The following NOX5 variants were observed in gnomAD, a reference collection of about 807,000 sequenced individuals.
NOX5 encodes the protein NADPH oxidase, EF-hand calcium binding domain 5.
A neutral mutation model predicts 85.7 loss-of-function variants in NOX5; 76 were observed. The ratio of observed to expected loss-of-function variants is 0.89; its 90% CI spans 0.74 to 1.07. NOX5 has a LOEUF of 1.07. NOX5 is among the 50% of genes least tolerant of loss of function. The probability of loss-of-function intolerance (pLI) is 0.00; values close to 1 mark genes in which losing one functional copy is unlikely to be tolerated. For synonymous variants in NOX5, 405 were observed against 401.4 expected, an observed-to-expected ratio of 1.01 and a Z score of -0.11; for missense variants, 973 against 999.5, an observed-to-expected ratio of 0.97 and a Z score of 0.36.
At chr15:69,036,947 G>A (rs2050524096) in intron 7 of NOX5, 81 bp from the exon 8 acceptor site, 1 of 1,137,964 alleles carries the variant, frequency 8.8e-7, no homozygotes, top group South Asian at 1.4e-5. Flanking sequence ...CCCTGGCTTT[G>A]AGGATAACCC....
intron 1 of NOX5, among the ~76,000 whole-genome samples, chr15:69,015,696 G>A (rs2050222931): frequency 6.6e-6 from 1 of 152,038 alleles, no homozygotes; most frequent in South Asian, 2.1e-4. Context: ...TTGCAGTTTG[G>A]GAACCACTAG....
Position 69,060,597 on chromosome 15 carries a change from G to A in NOX5, c.*3901G>A, listed in dbSNP as rs2050862535. ...GATACAATGAAGGAAAGGATTTTGT[G>A]TTTTTGTTTTTGTTTTACTTTTTGC... On this transcript the variant is annotated 3_prime_UTR_variant, in exon 16 of 16. Coordinates refer to ENST00000388866, the MANE Select transcript of NOX5 (RefSeq NM_024505.4). The A allele has an allele frequency of 6.6e-6, 1 of 152,056 alleles. No homozygotes were observed. Among genetic ancestry groups the A allele is most frequent in the Non-Finnish European group, 1.5e-5 (1 of 67,982 alleles). 9.4% of individuals were successfully genotyped at this position (152,056 alleles called of 1,614,324 possible).
At position 69,031,780 on chromosome 15, in the gene NOX5, C is replaced by T. The variant is rs774138459; in HGVS notation, c.588C>T (p.Arg196=). 9.3e-6 allele frequency: 15 copies of T among 1,605,778 alleles called. No homozygotes were observed. In the East Asian group the frequency reaches 3.4e-4, roughly 36 times the overall value. The change falls in exon 4 of 16, where the codon CGC becomes CGT. Residue 196 remains arginine, a synonymous_variant. Transcript: ENST00000388866. ...AGGAGCTCCGGGACGAGCTGCAGCG[C>T]TTCCCCGGAGTCATGGAGAACCTGA... The part of the protein sequence containing the change: ...TFEELRDELQ[R]FPGVMENLTI...
At chr15:69,047,632 T>G in intron 12 of NOX5, 95 bp downstream of exon 12, 2 of 1,478,080 alleles carry the variant, frequency 1.4e-6, no homozygotes, top group East Asian at 4.8e-5. Context: ...CTTCCTCTCC[T>G]TTCACCTGTC....
rs1055494957 is a variant in NOX5 at position 69,041,741 on chromosome 15, A to G, written c.1505-922A>G. The stretch of plus-strand genomic sequence containing the variant: ...CTGGATTCATATGTAATTTCTCTGT[A>G]TATTACTTTATGTCAAGCTTGTCCA... On this transcript the variant is annotated intron_variant, in intron 9 of 15. Coordinates refer to ENST00000388866, the MANE Select transcript of NOX5 (RefSeq NM_024505.4). 5.9e-5 allele frequency among the ~76,000 whole-genome samples: 9 copies of G among 152,340 alleles called. No individual in the cohort carries two copies. The East Asian group carries it at 7.7e-4, about 13-fold the overall frequency.
At chr15:69,046,722 T>C (rs1248358460) in intron 10 of NOX5, 100 bp from the exon 11 acceptor site, 15 of 1,156,396 alleles carry the variant, frequency 1.3e-5, no homozygotes, top group African/African-American at 4.6e-5. Flanking sequence ...GCAATTCCCT[T>C]TTTATAAAGT....
chr15:69,030,417 A>C (rs1339853885), intron 3 of NOX5: 1 of 152,212 alleles, frequency 6.6e-6, no homozygotes, highest in Non-Finnish European at 1.5e-5. Flanking sequence ...GGCTTCACCC[A>C]GGGATGGGAT....
At chr15:69,045,536 T>TTTTCTTTTTCTTTC (rs1555437206) in intron 10 of NOX5, among the ~76,000 whole-genome samples, 1 of 94,470 alleles carries the variant, frequency 1.1e-5, no homozygotes, top group African/African-American at 5.0e-5. Context: ...TTCCTTTCTT[T>TTTTCTTTTTCTTTC]TTTCTTTCTT....
At chr15:69,047,603 C>G in intron 12 of NOX5, 66 bp downstream of exon 12, 1 of 1,560,184 alleles carries the variant, frequency 6.4e-7, no homozygotes, top group Non-Finnish European at 8.7e-7. Flanking sequence ...CCCTGCTCCT[C>G]CTCCCTTTAT....
chr15:69,045,601 T>TCTTCCCTTTCTTTCTTTTTTCTTTCTTTC (rs2050662252), intron 10 of NOX5, among the ~76,000 whole-genome samples: 1 of 101,008 alleles, frequency 9.9e-6, no homozygotes, highest in African/African-American at 4.2e-5. Flanking sequence ...TTTCTTTCTT[T>TCTTCCCTTTCTTTCTTTTTTCTTTCTTTC]TTTTTTTCTC....
At chr15:69,047,151 C>G in intron 11 of NOX5, 1 of 560,602 alleles carries the variant, frequency 1.8e-6, no homozygotes, top group Non-Finnish European at 3.1e-6. Context: ...TGGGCACCCA[C>G]GGCACACACC....
chr15:69,040,415 A>C (rs1054747188), intron 9 of NOX5, among the ~76,000 whole-genome samples: 1 of 152,216 alleles, frequency 6.6e-6, no homozygotes, highest in East Asian at 1.9e-4. Context: ...CTCTCTCTCT[A>C]TCTATCTATC....
rs1199785505 is a variant in NOX5, at chr15:69,056,684, A to G, written c.2286A>G (p.Gln762=). 2.1e-5 allele frequency: 34 copies of G among 1,613,638 alleles called. No individual in the cohort carries two copies. The highest frequency in any genetic ancestry group is 2.7e-5 in the Non-Finnish European group (32 of 1,180,024). ...AGAAGTTCGGCTTCAGATTTTTCCA[A>G]GAGAATTTCTAGCCTCACCTCTCCA... ...HCEKFGFRFF[Q]ENF Residue 762 remains glutamine, a synonymous_variant, in exon 16 of 16, where the codon CAA becomes CAG. Coordinates refer to ENST00000388866, the MANE Select transcript of NOX5 (RefSeq NM_024505.4).
chr15:69,035,993 T>G, intron 7 of NOX5, 57 bp downstream of exon 7: 1 of 1,600,090 alleles, frequency 6.2e-7, no homozygotes, highest in South Asian at 1.1e-5. Flanking sequence ...CTTTCATTTC[T>G]TTCTGTGTCC....
At chr15:69,054,021 G>A (rs1423130974) in intron 14 of NOX5, among the ~76,000 whole-genome samples, 1 of 152,172 alleles carries the variant, frequency 6.6e-6, no homozygotes, top group East Asian at 1.9e-4. Context: ...ATAGAGAGCA[G>A]GTTGGAATGG....
chr15:69,023,365 CA>C (rs145269528), intron 1 of NOX5: 2 of 294,612 alleles, frequency 6.8e-6, no homozygotes, highest in Admixed American at 3.9e-5. Context: ...TGCATTTATT[CA>C]AAAACCTGCT....
intron 4 of NOX5, 93 bp downstream of exon 4, chr15:69,031,905 C>A: frequency 7.6e-7 from 1 of 1,319,614 alleles, no homozygotes; most frequent in Non-Finnish European, 1.0e-6. Context: ...TCCACTCTGC[C>A]CTACCCCGCC....
At chr15:69,042,312 A>G (rs2050604988) in intron 9 of NOX5, among the ~76,000 whole-genome samples, 1 of 152,238 alleles carries the variant, frequency 6.6e-6, no homozygotes, top group Non-Finnish European at 1.5e-5. Context: ...GTGCACAACC[A>G]TTGAATAGCA....
intron 3 of NOX5, chr15:69,028,965 G>A (rs927918417): frequency 6.6e-6 from 1 of 151,934 alleles, no homozygotes; most frequent in Non-Finnish European, 1.5e-5. Flanking sequence ...GCTTTACAGT[G>A]TCATTTTTAT....
Sources: allele counts gnomAD v4.1 joint callset (sites outside exome capture counted in the v4.1 genomes callset), GRCh38; gene constraint gnomAD v4.1.1; transcripts MANE v1.5; gene names NCBI Gene and HGNC (gene_info 2026-07-23, HGNC 2026-07-21).